Variants in RAD18 observed in about 807,000 individuals in gnomAD.
RAD18 encodes E3 ubiquitin-protein ligase RAD18.
A neutral mutation model predicts 60.4 loss-of-function variants in RAD18; 47 were observed. The observed-to-expected ratio is 0.78, with a 90% CI of 0.62 to 0.99. The LOEUF is 0.99. Ranked by LOEUF, RAD18 falls within the 50% of genes least tolerant of loss-of-function variation. RAD18 has a pLI of 0.00. For synonymous variants in RAD18, 225 were observed against 195.5 expected (o/e 1.15, Z -1.26); for missense variants, 640 against 593.3 (o/e 1.08, Z -0.82).
chr3:8,881,869 GC>G (rs1432444496), intron 12 of RAD18, among the ~76,000 whole-genome samples: 1 of 152,188 alleles, frequency 6.6e-6, no homozygotes, highest in Non-Finnish European at 1.5e-5. Context: ...AGAAAAATAT[GC>G]CCCTCCAAAG....
chr3:8,911,418 C>T (rs1451880221), intron 9 of RAD18, among the ~76,000 whole-genome samples: 2 of 152,130 alleles, frequency 1.3e-5, no homozygotes, highest in African/African-American at 4.8e-5. Flanking sequence ...CTCTTTTGTT[C>T]TCCTTTCTAA....
At chr3:8,909,019 C>T (rs2125053591) in intron 9 of RAD18, among the ~76,000 whole-genome samples, 1 of 152,140 alleles carries the variant, frequency 6.6e-6, no homozygotes, top group Middle Eastern at 3.4e-3. Context: ...AATGGGTTTC[C>T]CAGGGAAACT....
chr3:8,906,391 A>G (rs1940001669), intron 9 of RAD18, among the ~76,000 whole-genome samples: 1 of 152,078 alleles, frequency 6.6e-6, no homozygotes, highest in Non-Finnish European at 1.5e-5. Flanking sequence ...TGCTCTCCTT[A>G]ACACAGTAAA....
At chr3:8,936,184 G>A in intron 6 of RAD18, 129 bp from the exon 7 acceptor site, 1 of 916,634 alleles carries the variant, frequency 1.1e-6, no homozygotes, top group Non-Finnish European at 1.6e-6. Context: ...ATTAAAAAGG[G>A]GAGAGAAAAA....
At chr3:8,940,697 AAGTGCTAT>A (rs1940732545) in intron 5 of RAD18, among the ~76,000 whole-genome samples, 1 of 152,246 alleles carries the variant, frequency 6.6e-6, no homozygotes, top group Non-Finnish European at 1.5e-5. Flanking sequence ...TCCAGAAAAC[AAGTGCTAT>A]AGCACTTTTG....
At chr3:8,909,734 C>T (rs1940075029) in intron 9 of RAD18, among the ~76,000 whole-genome samples, 1 of 152,116 alleles carries the variant, frequency 6.6e-6, no homozygotes, top group Non-Finnish European at 1.5e-5. Context: ...TCAAGAAATT[C>T]CTCTATACCA....
At chr3:8,957,004 A>G (rs1289086423) in intron 2 of RAD18, among the ~76,000 whole-genome samples, 1 of 152,230 alleles carries the variant, frequency 6.6e-6, no homozygotes, top group Non-Finnish European at 1.5e-5. Context: ...AGGAATGAGT[A>G]AAACTGTCTT....
At chr3:8,906,873 G>C (rs762929360) in intron 9 of RAD18, among the ~76,000 whole-genome samples, 17 of 150,672 alleles carry the variant, frequency 1.1e-4, no homozygotes, top group Middle Eastern at 3.4e-3. Context: ...AAATTTCTTG[G>C]TTTTAATTTC....
At chr3:8,959,197 T>A (rs1377524694) in intron 1 of RAD18, among the ~76,000 whole-genome samples, 196 bp from the exon 2 acceptor site, 1 of 152,216 alleles carries the variant, frequency 6.6e-6, no homozygotes, top group Admixed American at 6.5e-5. Context: ...TCTTATACAT[T>A]CAGTCTCAGG....
At chr3:8,915,965 A>G in intron 7 of RAD18, among the ~76,000 whole-genome samples, 1 of 152,136 alleles carries the variant, frequency 6.6e-6, no homozygotes, top group Non-Finnish European at 1.5e-5. Context: ...AGGGCAGCAA[A>G]TTAGAAAAGA....
rs117017707 is a variant in RAD18, at chr3:8,916,120, G to A, written c.890-2400C>T. Among the ~76,000 whole-genome samples the A allele has an allele frequency of 3.3e-5, 5 of 152,222 alleles. No homozygotes were observed. In the East Asian group the frequency reaches 7.7e-4, roughly 24 times the overall value. ...GCAAAAATGTTATCCCCAGAGCATC[G>A]GTTGCTGAGGGAAGTAAACAAAAAC... On this transcript the variant is annotated intron_variant, in intron 7 of 12. Coordinates refer to ENST00000264926, the MANE Select transcript of RAD18 (RefSeq NM_020165.4).
chr3:8,915,241 T>C (rs913700307), intron 7 of RAD18, among the ~76,000 whole-genome samples: 4 of 152,050 alleles, frequency 2.6e-5, no homozygotes, highest in Non-Finnish European at 4.4e-5. Context: ...GTTTAGGTTG[T>C]AGAGAGCTAT....
intron 7 of RAD18, among the ~76,000 whole-genome samples, chr3:8,920,004 C>T (rs906726095): frequency 1.6e-4 from 25 of 152,114 alleles, no homozygotes; most frequent in Admixed American, 9.2e-4. Flanking sequence ...CAAGGCAGGC[C>T]GGGCGCAGTG....
chr3:8,908,642 C>T (rs757379553), intron 9 of RAD18, among the ~76,000 whole-genome samples: 2 of 152,144 alleles, frequency 1.3e-5, no homozygotes, highest in Non-Finnish European at 2.9e-5. Context: ...GTTATTTAAG[C>T]CATGCGGTCT....
intron 4 of RAD18, among the ~76,000 whole-genome samples, chr3:8,942,875 G>A (rs529596724): frequency 1.8e-4 from 27 of 152,260 alleles, no homozygotes; most frequent in African/African-American, 6.5e-4. Flanking sequence ...GCTGATACTG[G>A]TAAATTAAAA....
intron 2 of RAD18, among the ~76,000 whole-genome samples, chr3:8,956,689 CAT>C (rs1559802899): frequency 6.8e-6 from 1 of 148,140 alleles, no homozygotes; most frequent in Non-Finnish European, 1.5e-5. Context: ...GGAAGAAAAT[CAT>C]ATGAGCATCT....
At chr3:8,957,346 T>C (rs1941031076) in intron 2 of RAD18, among the ~76,000 whole-genome samples, 1 of 152,146 alleles carries the variant, frequency 6.6e-6, no homozygotes, top group Non-Finnish European at 1.5e-5. Context: ...TGGAAATGCA[T>C]TTAAAATGCA....
chr3:8,954,580 T>C (rs1022589174), intron 2 of RAD18, among the ~76,000 whole-genome samples: 6 of 152,226 alleles, frequency 3.9e-5, no homozygotes, highest in Non-Finnish European at 8.8e-5. Context: ...CAAATTTGGA[T>C]CAATTTAATT....
At chr3:8,899,509 C>G (rs1011215754) in intron 10 of RAD18, among the ~76,000 whole-genome samples, 1 of 152,164 alleles carries the variant, frequency 6.6e-6, no homozygotes, top group African/African-American at 2.4e-5. Flanking sequence ...TCTAGGTTAA[C>G]TAGAATCTAA....
Sources: gnomAD v4.1 joint callset for allele counts (sites outside exome capture counted in the v4.1 genomes callset) on GRCh38, gnomAD v4.1.1 for gene constraint, MANE v1.5 for transcripts, NCBI Gene and HGNC (gene_info 2026-07-23, HGNC 2026-07-21) for gene names.